KPTN: variants seen among roughly 807,000 people sequenced by gnomAD.
KPTN encodes the protein KICSTOR complex protein kaptin.
KPTN carries 36 observed loss-of-function variants against 52.6 expected under a neutral mutation model. The ratio of observed to expected loss-of-function variants is 0.68; its 90% confidence interval spans 0.52 to 0.90. The LOEUF (loss-of-function observed/expected upper bound fraction) is 0.90. Among genes scored for constraint, KPTN ranks in the 40% least tolerant of loss-of-function variants. The pLI is 0.00. For synonymous variants in KPTN, 271 were observed against 248.4 expected (o/e 1.09, Z -0.85); for missense variants, 529 against 576.2 (o/e 0.92, Z 0.84).
At chr19:47,477,822 G>T in intron 8 of KPTN, 41 bp from the exon 9 acceptor site, 1 of 1,460,708 alleles carries the variant, frequency 6.8e-7, no homozygotes, top group Non-Finnish European at 9.6e-7. Flanking sequence ...CACTTTGGGA[G>T]GCCAAGGCGG....
At chr19:47,483,769 A>T in intron 1 of KPTN, 166 bp downstream of exon 1, 1 of 1,003,882 alleles carries the variant, frequency 1.0e-6, no homozygotes. Flanking sequence ...CTGAAACCCT[A>T]GGCTCATCCG....
At chr19:47,477,052 G>T in intron 9 of KPTN, 114 bp from the exon 10 acceptor site, 1 of 1,089,346 alleles carries the variant, frequency 9.2e-7, no homozygotes, top group Non-Finnish European at 1.3e-6. Context: ...TAGACACACT[G>T]GTCCTCCGGA....
At chr19:47,480,516 C>T (rs778810610) in intron 6 of KPTN, 109 bp from the exon 7 acceptor site, 59 of 824,066 alleles carry the variant, frequency 7.2e-5, no homozygotes, top group Non-Finnish European at 1.1e-4. Flanking sequence ...GACCCTGCTG[C>T]TTGATTCCTC....
Position 47,480,412 on chromosome 19 carries a change from C to T in KPTN, c.600-5G>A, listed in dbSNP as rs372311348. 326 of 1,540,922 alleles carry T rather than the reference C, an allele frequency of 2.1e-4. 4 individuals are homozygous for T. In the South Asian group the frequency reaches 3.7e-3, roughly 17 times the overall value. Reference sequence around the variant, plus strand: ...TGGACGTCCAGCCAGAGGACGCTGGCGGGCGGGTGGATGGACAGGACGGAC... The same window carrying T: ...TGGACGTCCAGCCAGAGGACGCTGGTGGGCGGGTGGATGGACAGGACGGAC... On this transcript the variant is annotated splice_region_variant and splice_polypyrimidine_tract_variant and intron_variant, in intron 6 of 11. Coordinates refer to ENST00000338134, the MANE Select transcript of KPTN (RefSeq NM_007059.4).
At position 47,482,731 on chromosome 19, in the gene KPTN, G is replaced by T. The variant is rs902141062; in HGVS notation, c.449+430C>A. Among the ~76,000 whole-genome samples the T allele has an allele frequency of 3.3e-5, 5 of 152,094 alleles. No homozygotes were observed. In the East Asian group the frequency reaches 9.6e-4, roughly 29 times the overall value. On this transcript the variant is annotated intron_variant, in intron 4 of 11. Coordinates refer to ENST00000338134, the MANE Select transcript of KPTN (RefSeq NM_007059.4). ...TTTATTTATTTATTTTTGAGACAGA[G>T]TTTCGCTCTTGTCACCCAGGTTGGA...
Position 47,479,956 on chromosome 19 carries a change from G to A in KPTN, c.710-16C>T, listed in dbSNP as rs757203329. 3.7e-6 allele frequency: 6 copies of A among 1,604,626 alleles called. No homozygotes were observed. In the South Asian group the frequency reaches 6.7e-5, roughly 18 times the overall value. ...TGCAGAACCTCTGCGTGGAGAGCGA[G>A]GATTCAGAGCCCCAACCCCACCCCG... On this transcript the variant is annotated splice_polypyrimidine_tract_variant and intron_variant, in intron 7 of 11. Transcript: ENST00000338134.
rs540521125 is a variant in KPTN, at chr19:47,484,049, G to T, written c.112C>A (p.Arg38Ser). 18 of 1,610,444 alleles carry T rather than the reference G, an allele frequency of 1.1e-5. No homozygotes were observed. The African/African-American group carries it at 1.9e-4, about 17-fold the overall frequency. ...AGGGTGGCGGCCAGCAGCTCCCCGC[G>T]CCCGCCGGCGCCGCCTGCCAGCCCG... is the stretch of plus-strand genomic sequence containing the variant. Reference protein sequence around the residue: ...VYGLAGGAGGRGELLAATLKG... With the variant: ...VYGLAGGAGGSGELLAATLKG... Residue 38 changes from arginine (R) to serine (S), a missense_variant, in exon 1 of 12, where the codon CGC becomes AGC. By Grantham distance (110) the Arg-to-Ser change is moderately radical. Coordinates refer to ENST00000338134, the MANE Select transcript of KPTN (RefSeq NM_007059.4).
In KPTN at chr19:47,475,206, G is replaced by A. The variant is rs962577529; in HGVS notation, c.*210C>T. 2.0e-6 allele frequency: 1 copy of A among 492,220 alleles called. No individual in the cohort carries two copies. The highest frequency in any genetic ancestry group is 1.9e-5 in the African/African-American group (1 of 51,422). 30.5% of individuals were successfully genotyped at this position (492,220 alleles called of 1,614,324 possible). A position where few individuals can be genotyped will look rare whatever the true frequency, so the allele number is the denominator to read the frequency against. Reference sequence around the variant, plus strand: ...AGGTGGCCAATTCTCATCCAGAGTGGACAGGGTGGAATGGGATCATCCCTG... The same window carrying A: ...AGGTGGCCAATTCTCATCCAGAGTGAACAGGGTGGAATGGGATCATCCCTG... On this transcript the variant is annotated 3_prime_UTR_variant, in exon 12 of 12. Transcript: ENST00000338134.
rs1967804901 is a variant in KPTN, at chr19:47,479,891, C to T, written c.759G>A (p.Val253=). Residue 253 remains valine, a synonymous_variant, in exon 8 of 12, where the codon GTG becomes GTA. Coordinates refer to ENST00000338134, the MANE Select transcript of KPTN (RefSeq NM_007059.4). ...SVLQDGPISR[V]IVFSLSAAKE... ...TGGCGGCCGAGAGGCTGAACACAAT[C>T]ACTCGGGAGATGGGACCGTCCTGCA... The T allele has an allele frequency of 1.9e-6, 3 of 1,613,156 alleles. No homozygotes were observed. The highest frequency in any genetic ancestry group is 2.2e-5 in the South Asian group (2 of 91,040).
chr19:47,475,627 C>A lies in KPTN; in HGVS notation c.1183-83G>T. ...CGGGACCGTCTGGAGTGAAGCAACT[C>A]CAAAGGCCAGGAGCTCGGCCCACGT... On this transcript the variant is annotated intron_variant, in intron 11 of 11. Transcript: ENST00000338134. 1.3e-6 allele frequency: 2 copies of A among 1,544,212 alleles called. 1 individual carries two copies. Among genetic ancestry groups the A allele is most frequent in the South Asian group, 2.3e-5 (2 of 87,152 alleles).
Position 47,484,135 on chromosome 19 carries a change from G to A in KPTN, c.26C>T (p.Ala9Val), listed in dbSNP as rs529294403. The A allele has an allele frequency of 4.3e-5, 69 of 1,598,756 alleles. 1 individual carries two copies. The South Asian group carries it at 7.3e-4, about 17-fold the overall frequency. The change falls in exon 1 of 12, where the codon GCG becomes GTG. Residue 9 changes from alanine to valine, a missense_variant. Ala to Val is a moderately conservative substitution (Grantham distance 64, BLOSUM62 0). Coordinates refer to ENST00000338134, the MANE Select transcript of KPTN (RefSeq NM_007059.4). Reference protein sequence around the residue: MMGEAAVAAGPCPLREDSF... With the variant: MMGEAAVAVGPCPLREDSF... Reference sequence around the variant, plus strand: ...GTCCTCGCGCAACGGACAAGGCCCCGCGGCCACGGCCGCCTCCCCCATCAT... The same window carrying A: ...GTCCTCGCGCAACGGACAAGGCCCCACGGCCACGGCCGCCTCCCCCATCAT...
Position 47,479,856 on chromosome 19 carries a change from A to C in KPTN, c.787+7T>G. ...TCTCTCCCCATCCCCTCAAACCCAG[A>C]GCTCACCCTTGGCGGCCGAGAGGCT... On this transcript the variant is annotated splice_region_variant and intron_variant, in intron 8 of 11. Coordinates refer to ENST00000338134, the MANE Select transcript of KPTN (RefSeq NM_007059.4). The C allele has an allele frequency of 6.2e-7, 1 of 1,611,232 alleles. No homozygotes were observed. The highest frequency in any genetic ancestry group is 1.3e-5 in the African/African-American group (1 of 74,804).
In KPTN at chr19:47,484,185, G is replaced by C. The variant is rs1185898662; in HGVS notation, c.-25C>G. Reference sequence around the variant, plus strand: ...TGCCCCTCAGTTAAGCACCCTCTCCGCAGCCCCCGCCCCAACCCGCACTAC... The same window carrying C: ...TGCCCCTCAGTTAAGCACCCTCTCCCCAGCCCCCGCCCCAACCCGCACTAC... On this transcript the variant is annotated 5_prime_UTR_variant, in exon 1 of 12. Coordinates refer to ENST00000338134, the MANE Select transcript of KPTN (RefSeq NM_007059.4). 7.0e-6 allele frequency: 11 copies of C among 1,576,206 alleles called. No homozygotes were observed. The highest frequency in any genetic ancestry group is 9.4e-6 in the Non-Finnish European group (11 of 1,166,740).
Position 47,483,502 on chromosome 19 carries a change from C to A in KPTN, c.309G>T (p.Lys103Asn). Residue 103 changes from lysine to asparagine, a missense_variant and splice_region_variant, in exon 2 of 12, where the codon AAG (lysine) becomes AAT (asparagine). Transcript: ENST00000338134. The part of the protein sequence containing the change: ...RGLVVGITFI[K>N]DSGDKGSPFL... Reference sequence around the variant, plus strand: ...GGGAGGTGGAGGGGGCTCTAGGTACCTTGATGAACGTGATCCCCACAACCA... The same window carrying A: ...GGGAGGTGGAGGGGGCTCTAGGTACATTGATGAACGTGATCCCCACAACCA... 6.3e-7 allele frequency: 1 copy of A among 1,596,094 alleles called. No individual in the cohort carries two copies. The highest frequency in any genetic ancestry group is 8.5e-7 in the Non-Finnish European group (1 of 1,170,808).
chr19:47,476,446 T>C, intron 11 of KPTN, 86 bp downstream of exon 11: 3 of 1,171,088 alleles, frequency 2.6e-6, no homozygotes, highest in Non-Finnish European at 3.5e-6. Context: ...CTGAAATGAG[T>C]TCCTCCCTCC....
upstream of KPTN, among the ~76,000 whole-genome samples, chr19:47,485,053 TG>T (rs1222469013): frequency 2.6e-5 from 4 of 152,096 alleles, no homozygotes; most frequent in African/African-American, 9.7e-5. Flanking sequence ...ACATTCTTCT[TG>T]CCCCCAAGGA....
At chr19:47,479,792 G>A (rs1410963776) in intron 8 of KPTN, 71 bp downstream of exon 8, 4 of 1,284,902 alleles carry the variant, frequency 3.1e-6, no homozygotes, top group South Asian at 1.2e-5. Context: ...TGGGTAGAAG[G>A]ACCCAAGAAT....
At chr19:47,480,612 C>T in intron 6 of KPTN, 148 bp downstream of exon 6, 1 of 831,556 alleles carries the variant, frequency 1.2e-6, no homozygotes, top group Non-Finnish European at 2.0e-6. Context: ...TCTGGGGTCA[C>T]CCCTGCTGAT....
intron 9 of KPTN, 127 bp downstream of exon 9, chr19:47,477,579 C>T (rs370146406): frequency 2.2e-5 from 15 of 679,336 alleles, no homozygotes; most frequent in South Asian, 6.5e-5. Context: ...CCCTGGGTCA[C>T]GAGTATCTGT....
Sources: gnomAD v4.1 joint callset for allele counts (sites outside exome capture counted in the v4.1 genomes callset) on GRCh38, gnomAD v4.1.1 for gene constraint, MANE v1.5 for transcripts, NCBI Gene and HGNC (gene_info 2026-07-23, HGNC 2026-07-21) for gene names.